RPTOR: variants seen among roughly 807,000 people sequenced by gnomAD.
RPTOR encodes the protein regulatory associated protein of MTOR complex 1.
A neutral mutation model predicts 169.9 loss-of-function variants in RPTOR; 21 were observed. That is an observed-to-expected ratio of 0.12 (90% confidence interval 0.09 to 0.18). The LOEUF is 0.18. RPTOR is among the 10% of genes least tolerant of loss of function. The probability of loss-of-function intolerance (pLI) is 1.00; values close to 1 mark genes in which losing one functional copy is unlikely to be tolerated. For missense variants in RPTOR, 1,133 were observed against 1,855.9 expected (o/e 0.61, Z 7.16); for synonymous variants, 732 against 753.2 (o/e 0.97, Z 0.46).
intron 11 of RPTOR, among the ~76,000 whole-genome samples, chr17:80,853,717 GC>G (rs2067820590): frequency 6.6e-6 from 1 of 152,186 alleles, no homozygotes. Context: ...GGTGGCTCAC[GC>G]CTGTAATCCC....
chr17:80,736,849 G>C (rs2066437482), intron 5 of RPTOR, among the ~76,000 whole-genome samples: 2 of 152,142 alleles, frequency 1.3e-5, no homozygotes. Context: ...CTTCTCCACG[G>C]ACTCACCGTC....
chr17:80,577,905 C>G (rs1197382550), intron 1 of RPTOR, among the ~76,000 whole-genome samples: 1 of 152,158 alleles, frequency 6.6e-6, no homozygotes, highest in African/African-American at 2.4e-5. Flanking sequence ...CTTATGCAAA[C>G]ATGTTTAGGT....
chr17:80,615,018 G>C (rs368126196), intron 1 of RPTOR, among the ~76,000 whole-genome samples: 1 of 152,126 alleles, frequency 6.6e-6, no homozygotes, highest in African/African-American at 2.4e-5. Flanking sequence ...GAGTTCTGAC[G>C]TTATTTTACT....
At chr17:80,788,110 G>C (rs376320171) in intron 6 of RPTOR, among the ~76,000 whole-genome samples, 34 of 152,228 alleles carry the variant, frequency 2.2e-4, no homozygotes, top group African/African-American at 7.7e-4. Context: ...TTTTTGTCAT[G>C]CTCACACATT....
At chr17:80,555,731 C>A (rs2084399723) in intron 1 of RPTOR, among the ~76,000 whole-genome samples, 1 of 152,164 alleles carries the variant, frequency 6.6e-6, no homozygotes. Flanking sequence ...AAGAAATCAT[C>A]CACATTGACC....
chr17:80,831,709 CTG>C (rs1567936775), intron 9 of RPTOR, among the ~76,000 whole-genome samples: 1 of 152,144 alleles, frequency 6.6e-6, no homozygotes, highest in African/African-American at 2.4e-5. Context: ...CTGTGTGTCA[CTG>C]TGTATCCCTG....
Position 80,964,452 on chromosome 17 carries a change from C to A in RPTOR, c.*122C>A. On this transcript the variant is annotated 3_prime_UTR_variant, in exon 34 of 34. Transcript: ENST00000306801. ...GTGTGAACGTTGGCTGCTGCCTTAGCTGCTGATGACGGCAGGAGGGCCCTG... is the reference window on the plus strand; with the variant it reads ...GTGTGAACGTTGGCTGCTGCCTTAGATGCTGATGACGGCAGGAGGGCCCTG... The A allele has an allele frequency of 1.1e-6, 1 of 929,118 alleles. No homozygotes were observed. 57.6% of individuals were successfully genotyped at this position (929,118 alleles called of 1,614,324 possible). A position where few individuals can be genotyped will look rare whatever the true frequency, so the allele number is the denominator to read the frequency against.
intron 2 of RPTOR, among the ~76,000 whole-genome samples, chr17:80,628,510 T>C (rs1445027487): frequency 6.6e-6 from 1 of 152,238 alleles, no homozygotes; most frequent in African/African-American, 2.4e-5. Flanking sequence ...TCTGCTGTAA[T>C]TCTTTGTTTC....
At chr17:80,818,474 A>G (rs142923801) in intron 7 of RPTOR, among the ~76,000 whole-genome samples, 4 of 152,174 alleles carry the variant, frequency 2.6e-5, no homozygotes, top group Non-Finnish European at 5.9e-5. Flanking sequence ...GGCAAGACTC[A>G]GCATTGGTTA....
chr17:80,694,665 T>C (rs2066021279), intron 3 of RPTOR, among the ~76,000 whole-genome samples: 1 of 152,192 alleles, frequency 6.6e-6, no homozygotes, highest in Non-Finnish European at 1.5e-5. Context: ...TGGTGGTAGC[T>C]CCGCACTTAA....
In RPTOR at chr17:80,746,397, C is replaced by T. The variant is rs1433511232; in HGVS notation, c.655-7613C>T. Among the ~76,000 whole-genome samples, 1 of 152,356 alleles carries T rather than the reference C, an allele frequency of 6.6e-6. No individual in the cohort carries two copies. The highest frequency in any genetic ancestry group is 2.1e-4 in the South Asian group (1 of 4,832). ...CAGGGAGCGGACGGCAGGCCTGGGG[C>T]GTGCTGCCCGCTTACCTCATGAACT... is the stretch of plus-strand genomic sequence containing the variant. On this transcript the variant is annotated intron_variant, in intron 5 of 33. Coordinates refer to ENST00000306801, the MANE Select transcript of RPTOR (RefSeq NM_020761.3). This position sits in a 1 kb window ranked among gnomAD's most constrained non-coding sequence, Gnocchi z 4.5.
chr17:80,888,674 C>T (rs987795161), intron 17 of RPTOR, among the ~76,000 whole-genome samples: 1 of 152,236 alleles, frequency 6.6e-6, no homozygotes, highest in Non-Finnish European at 1.5e-5. Context: ...AGAAACTAAC[C>T]ATGTGCTACA....
Position 80,964,421 on chromosome 17 carries a change from C to A in RPTOR, c.*91C>A. 2 of 1,314,556 alleles carry A rather than the reference C, an allele frequency of 1.5e-6. No individual in the cohort carries two copies. Among genetic ancestry groups the A allele is most frequent in the South Asian group, 1.2e-5 (1 of 84,804 alleles). 81.4% of individuals were successfully genotyped at this position (1,314,556 alleles called of 1,614,324 possible). On this transcript the variant is annotated 3_prime_UTR_variant, in exon 34 of 34. Coordinates refer to ENST00000306801, the MANE Select transcript of RPTOR (RefSeq NM_020761.3). ...GGCACGGGGCGTCGGCTGCTGCGGC[C>A]CCGCAGTGTGAACGTTGGCTGCTGC...
intron 3 of RPTOR, among the ~76,000 whole-genome samples, chr17:80,647,581 T>C (rs2065606157): frequency 6.7e-6 from 1 of 150,060 alleles, no homozygotes; most frequent in African/African-American, 2.5e-5. Context: ...ACCTCTTTAC[T>C]TGGGGTGAGC....
chr17:80,560,876 G>A (rs576024167), intron 1 of RPTOR, among the ~76,000 whole-genome samples: 4 of 151,902 alleles, frequency 2.6e-5, no homozygotes, highest in Non-Finnish European at 4.4e-5. Context: ...CGGTCAATAG[G>A]TGATCAATAA....
rs890067746 is a variant in RPTOR, at chr17:80,826,523, G to A, written c.1136+3300G>A. ...CCACTGCCAGCAGCCAGGGCCTCCGGCCCAGCCCAGGTACAGCGGAGTGAA... is the reference window on the plus strand; with the variant it reads ...CCACTGCCAGCAGCCAGGGCCTCCGACCCAGCCCAGGTACAGCGGAGTGAA... On this transcript the variant is annotated intron_variant, in intron 9 of 33. Transcript: ENST00000306801. 1.6e-4 allele frequency among the ~76,000 whole-genome samples: 24 copies of A among 152,362 alleles called. No individual in the cohort carries two copies. The East Asian group carries it at 4.2e-3, about 27-fold the overall frequency.
At chr17:80,687,344 G>A (rs1051551373) in intron 3 of RPTOR, among the ~76,000 whole-genome samples, 11 of 152,092 alleles carry the variant, frequency 7.2e-5, no homozygotes, top group Non-Finnish European at 1.2e-4. Context: ...TCATCTGATC[G>A]AGCCACAGTC....
At chr17:80,592,543 A>G (rs1195896533) in intron 1 of RPTOR, among the ~76,000 whole-genome samples, 1 of 152,074 alleles carries the variant, frequency 6.6e-6, no homozygotes, top group Non-Finnish European at 1.5e-5. Flanking sequence ...CGTTTAGGAT[A>G]CTTTTATTGG....
chr17:80,577,520 C>T (rs987389879), intron 1 of RPTOR, among the ~76,000 whole-genome samples: 1 of 152,166 alleles, frequency 6.6e-6, no homozygotes, highest in African/African-American at 2.4e-5. Flanking sequence ...CTCAAGCAGT[C>T]CCCCTGCCTC....
Sources: gnomAD v4.1 joint callset for allele counts (sites outside exome capture counted in the v4.1 genomes callset) on GRCh38, gnomAD v4.1.1 for gene constraint, Gnocchi (gnomAD v3.1) non-coding constraint, MANE v1.5 for transcripts, NCBI Gene and HGNC (gene_info 2026-07-23, HGNC 2026-07-21) for gene names.